The following USP16 variants were observed in gnomAD, a reference collection of about 807,000 sequenced individuals.
USP16 encodes ubiquitin carboxyl-terminal hydrolase 16.
USP16 carries 77 observed loss-of-function variants against 95.9 expected under a neutral mutation model. The observed-to-expected ratio is 0.80, with a 90% confidence interval of 0.67 to 0.97. The LOEUF (loss-of-function observed/expected upper bound fraction) is 0.97, where lower values mean the gene tolerates loss of function less well. Among genes scored for constraint, USP16 ranks in the 50% least tolerant of loss-of-function variants. The pLI is 0.00. For missense variants in USP16, 943 were observed against 959.9 expected (o/e 0.98, Z 0.23); for synonymous variants, 303 against 318.2 (o/e 0.95, Z 0.51).
At chr21:29,051,514 A>C (rs186439850) in intron 16 of USP16, among the ~76,000 whole-genome samples, 3 of 152,196 alleles carry the variant, frequency 2.0e-5, no homozygotes, top group Admixed American at 6.5e-5. Flanking sequence ...GACACCACAA[A>C]GGATCTCAAA....
intron 2 of USP16, among the ~76,000 whole-genome samples, chr21:29,028,228 T>C (rs1168518802): frequency 6.6e-6 from 1 of 150,880 alleles, no homozygotes; most frequent in African/African-American, 2.4e-5. Flanking sequence ...TTCAAACGGT[T>C]CTCTCGTGCC....
chr21:29,049,838 G>T (rs1054609433), intron 15 of USP16, among the ~76,000 whole-genome samples: 1 of 152,198 alleles, frequency 6.6e-6, no homozygotes, highest in Non-Finnish European at 1.5e-5. Flanking sequence ...TGAGATTACA[G>T]GCATGTGCCA....
In USP16 at chr21:29,046,682, C is replaced by CA; in HGVS notation, c.1378dup (p.Ile460AsnfsTer10). On this transcript the variant is annotated frameshift_variant, in exon 14 of 18. Transcript: ENST00000399976. LOFTEE classifies it high-confidence loss of function. Reference sequence around the variant, plus strand: ...TTTTACCCAGAACCAACGAAGACAACAAAAAATTCAAGGAAAAGTTCTTCA... The same window carrying CA: ...TTTTACCCAGAACCAACGAAGACAACAAAAAAATTCAAGGAAAAGTTCTTCA... 4 of 1,603,872 alleles carry CA rather than the reference C, an allele frequency of 2.5e-6. No individual in the cohort carries two copies. Among genetic ancestry groups the CA allele is most frequent in the Non-Finnish European group, 3.4e-6 (4 of 1,175,996 alleles).
chr21:29,035,031 TA>T, intron 4 of USP16, 91 bp downstream of exon 4: 1 of 1,285,208 alleles, frequency 7.8e-7, no homozygotes, highest in Non-Finnish European at 1.1e-6. Context: ...GAAAGCAATT[TA>T]AAATTTTTGT....
rs777187829 is a variant in USP16 at position 29,046,842 on chromosome 21, A to T, written c.1532A>T (p.Asn511Ile). 3 of 1,614,172 alleles carry T rather than the reference A, an allele frequency of 1.9e-6. No homozygotes were observed. The highest frequency in any genetic ancestry group is 2.5e-6 in the Non-Finnish European group (3 of 1,180,018). The part of the protein sequence containing the change: ...EGVMHKEYCV[N>I]QKDLNGQAKM... ...GTTATGCATAAAGAATATTGTGTCA[A>T]CCAGAAAGATTTGAATGGCCAAGCA... The change falls in exon 14 of 18, where the codon AAC (asparagine) becomes ATC (isoleucine). Residue 511 changes from asparagine to isoleucine, a missense_variant. Asn to Ile is a moderately radical substitution (Grantham distance 149). Coordinates refer to ENST00000399976, the MANE Select transcript of USP16 (RefSeq NM_006447.3).
chr21:29,030,813 A>G, intron 3 of USP16, 40 bp downstream of exon 3: 2 of 1,558,164 alleles, frequency 1.3e-6, no homozygotes, highest in Non-Finnish European at 1.7e-6. Context: ...ATTTTAGAAA[A>G]CTCTTTGAAC....
At chr21:29,044,316 G>C (rs1232366444) in intron 13 of USP16, among the ~76,000 whole-genome samples, 1 of 151,962 alleles carries the variant, frequency 6.6e-6, no homozygotes, top group Non-Finnish European at 1.5e-5. Context: ...TGGAAAATAT[G>C]AGCAAATACA....
In USP16 at chr21:29,054,378, T is replaced by C. The variant is rs908581261; in HGVS notation, c.*191T>C. On this transcript the variant is annotated 3_prime_UTR_variant, in exon 18 of 18. Transcript: ENST00000399976. ...AAGGTTTTATATTGTCATAGTGGTT[T>C]TTATTCCTGCTTTGTTTCTGGAAAG... 55 of 743,074 alleles carry C rather than the reference T, an allele frequency of 7.4e-5. No individual in the cohort carries two copies. The highest frequency in any genetic ancestry group is 1.1e-4 in the Non-Finnish European group (54 of 487,576). 46.0% of individuals were successfully genotyped at this position (743,074 alleles called of 1,614,324 possible). A position where few individuals can be genotyped will look rare whatever the true frequency, so the allele number is the denominator to read the frequency against.
At chr21:29,036,624 A>G (rs1162732533) in intron 5 of USP16, among the ~76,000 whole-genome samples, 1 of 152,234 alleles carries the variant, frequency 6.6e-6, no homozygotes, top group Non-Finnish European at 1.5e-5. Context: ...TAATTCCCAT[A>G]ACCCTAGCCA....
chr21:29,044,458 T>G, intron 13 of USP16, among the ~76,000 whole-genome samples: 1 of 150,190 alleles, frequency 6.7e-6, no homozygotes, highest in East Asian at 1.9e-4. Context: ...TTTTTTTTTT[T>G]TTTTTTGAGA....
chr21:29,046,585 C>G, intron 13 of USP16, 82 bp from the exon 14 acceptor site: 6 of 1,398,218 alleles, frequency 4.3e-6, no homozygotes, highest in Non-Finnish European at 5.7e-6. Flanking sequence ...TGTGTTTTGT[C>G]CTTCTTCCTC....
intron 13 of USP16, among the ~76,000 whole-genome samples, chr21:29,044,529 C>T (rs2085294775): frequency 6.7e-6 from 1 of 149,844 alleles, no homozygotes; most frequent in Non-Finnish European, 1.5e-5. Context: ...CACACTGCAA[C>T]CTCTGCCTCC....
chr21:29,028,263 C>T (rs1229629218), intron 2 of USP16, among the ~76,000 whole-genome samples: 1 of 150,290 alleles, frequency 6.7e-6, no homozygotes, highest in Non-Finnish European at 1.5e-5. Flanking sequence ...GCTGGGATTA[C>T]AGACACATCC....
At chr21:29,037,983 T>C (rs2832154) in intron 6 of USP16, among the ~76,000 whole-genome samples, 32,076 of 152,192 alleles carry the variant, frequency 0.21, 3,820 homozygotes, top group Non-Finnish European at 0.26. Context: ...GCTTCTTTCA[T>C]GGAGCTTGCA....
At chr21:29,048,958 C>T in intron 15 of USP16, 103 bp downstream of exon 15, 1 of 891,188 alleles carries the variant, frequency 1.1e-6, no homozygotes, top group South Asian at 1.7e-5. Context: ...CTTTGGTTTT[C>T]TGTTGTTTCT....
At chr21:29,042,244 T>G in intron 11 of USP16, 140 bp downstream of exon 11, 2 of 871,858 alleles carry the variant, frequency 2.3e-6, no homozygotes, top group Non-Finnish European at 3.4e-6. Context: ...GCATGGTTCT[T>G]TGTGGGAAAT....
At position 29,054,346 on chromosome 21, in the gene USP16, A is replaced by G; in HGVS notation, c.*159A>G. The G allele has an allele frequency of 1.0e-6, 1 of 961,754 alleles. No homozygotes were observed. The highest frequency in any genetic ancestry group is 1.5e-6 in the Non-Finnish European group (1 of 672,168). 59.6% of individuals were successfully genotyped at this position (961,754 alleles called of 1,614,324 possible). On this transcript the variant is annotated 3_prime_UTR_variant, in exon 18 of 18. Transcript: ENST00000399976. ...ATATTGAAGGGAAAAATACCTAAAA[A>G]TGTACAAAGGTTTTATATTGTCATA...
chr21:29,024,922 T>C, intron 1 of USP16, 145 bp downstream of exon 1: 1 of 831,638 alleles, frequency 1.2e-6, no homozygotes, highest in Non-Finnish European at 1.6e-6. Context: ...GGTACTGCGA[T>C]CTCATTGGCT....
At position 29,046,876 on chromosome 21, in the gene USP16, C is replaced by G. The variant is rs144253686; in HGVS notation, c.1566C>G (p.Ile522Met). The change falls in exon 14 of 18, where the codon ATC becomes ATG. Residue 522 changes from isoleucine (I) to methionine (M), a missense_variant. By Grantham distance (10) the Ile-to-Met change is conservative (BLOSUM62 1). Transcript: ENST00000399976. ...ATTTGAATGGCCAAGCAAAAATGAT[C>G]GAAAGTGTAACTGACAATCAAAAAT... ...QKDLNGQAKM[I>M]ESVTDNQKST... 3 of 1,613,780 alleles carry G rather than the reference C, an allele frequency of 1.9e-6. No homozygotes were observed. The highest frequency in any genetic ancestry group is 1.7e-5 in the Admixed American group (1 of 59,990).
Sources: gnomAD v4.1 joint callset for allele counts (sites outside exome capture counted in the v4.1 genomes callset) on GRCh38, gnomAD v4.1.1 for gene constraint, MANE v1.5 for transcripts, NCBI Gene and HGNC (gene_info 2026-07-23, HGNC 2026-07-21) for gene names.